EYA4: variants seen among roughly 807,000 people sequenced by gnomAD.
EYA4 encodes the protein protein phosphatase EYA4.
Under a neutral mutation model 87.9 loss-of-function variants are expected in EYA4, and 31 were observed. That is an observed-to-expected ratio of 0.35 (90% CI 0.27 to 0.48). The LOEUF is 0.48. EYA4 is among the 20% of genes least tolerant of loss of function. The pLI is 0.99. For missense variants in EYA4, 678 were observed against 761.4 expected (o/e 0.89, Z 1.29); for synonymous variants, 263 against 270.6 (o/e 0.97, Z 0.28).
At chr6:133,311,816 A>G (rs1261687202) in intron 2 of EYA4, among the ~76,000 whole-genome samples, 5 of 152,158 alleles carry the variant, frequency 3.3e-5, no homozygotes, top group South Asian at 2.1e-4. Flanking sequence ...CAACACCGGC[A>G]CTGTGCTGAG....
intron 3 of EYA4, among the ~76,000 whole-genome samples, chr6:133,408,225 C>A (rs912097220): frequency 1.3e-5 from 2 of 152,144 alleles, no homozygotes; most frequent in African/African-American, 4.8e-5. Context: ...TTGGGGAATA[C>A]CTGGCTGAAG....
chr6:133,405,423 A>G (rs1788617577), intron 3 of EYA4, among the ~76,000 whole-genome samples: 2 of 152,070 alleles, frequency 1.3e-5, no homozygotes, highest in South Asian at 4.2e-4. Flanking sequence ...GTTTGGGAAA[A>G]CTCAAGGCCA....
chr6:133,249,739 G>A (rs1486172925), intron 1 of EYA4, among the ~76,000 whole-genome samples: 1 of 152,128 alleles, frequency 6.6e-6, no homozygotes, highest in Non-Finnish European at 1.5e-5. Context: ...CAATACTTAA[G>A]GTGCAAAATG....
At chr6:133,526,855 A>C (rs561604828) in intron 19 of EYA4, among the ~76,000 whole-genome samples, 1 of 152,266 alleles carries the variant, frequency 6.6e-6, no homozygotes, top group Admixed American at 6.5e-5. Flanking sequence ...ATACAGCCCC[A>C]CTCCTGCTAA....
intron 2 of EYA4, among the ~76,000 whole-genome samples, chr6:133,320,618 C>CGTA (rs1242727432): frequency 2.0e-5 from 3 of 151,796 alleles, no homozygotes; most frequent in African/African-American, 7.3e-5. Flanking sequence ...TCCAGCATAC[C>CGTA]CATCACCCAA....
chr6:133,475,212 C>A (rs118075187), intron 11 of EYA4, among the ~76,000 whole-genome samples: 2,394 of 152,156 alleles, frequency 0.016, 31 homozygotes, highest in Non-Finnish European at 0.025. Flanking sequence ...AGACATTTTA[C>A]TTCATTCTCT....
At chr6:133,355,198 G>A (rs745306327) in intron 2 of EYA4, among the ~76,000 whole-genome samples, 2 of 152,010 alleles carry the variant, frequency 1.3e-5, no homozygotes, top group Non-Finnish European at 2.9e-5. Flanking sequence ...CATCTCTTAA[G>A]CCTAGTACCC....
chr6:133,269,180 A>G (rs1304649996), intron 1 of EYA4, among the ~76,000 whole-genome samples: 2 of 152,062 alleles, frequency 1.3e-5, no homozygotes, highest in African/African-American at 4.8e-5. Context: ...AGTCACTTGA[A>G]CCCACGAGGC....
At chr6:133,525,838 A>C in intron 19 of EYA4, 7 of 913,600 alleles carry the variant, frequency 7.7e-6, no homozygotes, top group Non-Finnish European at 9.2e-6. Context: ...AAGAGATTTT[A>C]ATAAGTGCTA....
intron 2 of EYA4, among the ~76,000 whole-genome samples, chr6:133,357,148 G>A (rs1784119574): frequency 6.6e-6 from 1 of 151,318 alleles, no homozygotes; most frequent in East Asian, 2.0e-4. Flanking sequence ...GCGGGCGCCT[G>A]TAGTCCCAGC....
intron 2 of EYA4, among the ~76,000 whole-genome samples, chr6:133,322,470 C>T (rs1353240402): frequency 1.3e-5 from 2 of 152,096 alleles, no homozygotes; most frequent in Admixed American, 6.5e-5. Context: ...GGCCAAGAGT[C>T]TTTGAAAACA....
Position 133,373,108 on chromosome 6 carries a change from G to A in EYA4, c.34-9284G>A, listed in dbSNP as rs186092559. On this transcript the variant is annotated intron_variant, in intron 2 of 19. Coordinates refer to ENST00000355286, the MANE Select transcript of EYA4 (RefSeq NM_004100.5). ...GTTAGTTGTCATTTTTACTTAATAG[G>A]TAAATGATGGTGTACTAGAGTATAT... is the stretch of plus-strand genomic sequence containing the variant. Among the ~76,000 whole-genome samples, 5 of 152,048 alleles carry A rather than the reference G, an allele frequency of 3.3e-5. No individual in the cohort carries two copies. The East Asian group carries it at 9.6e-4, about 29-fold the overall frequency.
Position 133,529,012 on chromosome 6 carries a change from A to T in EYA4, c.*207A>T, listed in dbSNP as rs1457983887. The T allele has an allele frequency of 3.7e-6, 5 of 1,368,368 alleles. No homozygotes were observed. The highest frequency in any genetic ancestry group is 3.0e-5 in the South Asian group (2 of 66,434). The allele number at this position is 1,368,368 out of a possible 1,614,324, so 84.8% of individuals were successfully genotyped here. A position where few individuals can be genotyped will look rare whatever the true frequency, so the allele number is the denominator to read the frequency against. ...AAAGAAACTCTATGGTCTTATATTT[A>T]CAACACTTTAATGGGTTTTTTAAAA... On this transcript the variant is annotated 3_prime_UTR_variant, in exon 20 of 20. Transcript: ENST00000355286.
At chr6:133,502,042 C>CT (rs1484994838) in intron 13 of EYA4, among the ~76,000 whole-genome samples, 1 of 141,354 alleles carries the variant, frequency 7.1e-6, no homozygotes, top group Non-Finnish European at 1.5e-5. Context: ...TCATCTTCCT[C>CT]TTCTCTCTCT....
chr6:133,248,674 A>G (rs142041805), intron 1 of EYA4: 1 of 152,322 alleles, frequency 6.6e-6, no homozygotes, highest in Non-Finnish European at 1.5e-5. Context: ...TTTCTCTTAC[A>G]TTTGAATGCA....
chr6:133,354,212 T>A (rs1783846518), intron 2 of EYA4, among the ~76,000 whole-genome samples: 1 of 152,194 alleles, frequency 6.6e-6, no homozygotes, highest in Non-Finnish European at 1.5e-5. Flanking sequence ...TTACAGCTTC[T>A]GTGACAAAAT....
At chr6:133,403,193 C>T (rs1788413123) in intron 3 of EYA4, among the ~76,000 whole-genome samples, 1 of 152,060 alleles carries the variant, frequency 6.6e-6, no homozygotes, top group South Asian at 2.1e-4. Context: ...TGTGATTACA[C>T]TAAATTAGAA....
intron 3 of EYA4, among the ~76,000 whole-genome samples, chr6:133,433,148 A>T (rs950365722): frequency 6.6e-6 from 1 of 152,226 alleles, no homozygotes; most frequent in African/African-American, 2.4e-5. Flanking sequence ...GAACCACTGA[A>T]CTTCTTGTGA....
intron 3 of EYA4, among the ~76,000 whole-genome samples, chr6:133,417,380 A>C (rs1423181546): frequency 1.3e-5 from 2 of 152,182 alleles, no homozygotes; most frequent in Non-Finnish European, 2.9e-5. Flanking sequence ...TAGGTTAGGA[A>C]GGAAGATTGA....
Sources: allele counts gnomAD v4.1 joint callset (sites outside exome capture counted in the v4.1 genomes callset), GRCh38; gene constraint gnomAD v4.1.1; transcripts MANE v1.5; gene names NCBI Gene and HGNC (gene_info 2026-07-23, HGNC 2026-07-21).